The following GABBR2 variants were observed in gnomAD, a reference collection of about 807,000 sequenced individuals.
The protein encoded by GABBR2 is gamma-aminobutyric acid type B receptor subunit 2.
In GABBR2, 23 loss-of-function variants were observed where a neutral mutation model predicts 105.6. That is an observed-to-expected ratio of 0.22 (90% confidence interval 0.16 to 0.31). The LOEUF (loss-of-function observed/expected upper bound fraction) is 0.31. Among genes scored for constraint, GABBR2 ranks in the 10% least tolerant of loss-of-function variants. The probability of loss-of-function intolerance (pLI) is 1.00; values close to 1 mark genes in which losing one functional copy is unlikely to be tolerated. For synonymous variants in GABBR2, 478 were observed against 499.7 expected, an observed-to-expected ratio of 0.96 and a Z score of 0.58; for missense variants, 734 against 1,245.5, an observed-to-expected ratio of 0.59 and a Z score of 6.18.
chr9:98,340,639 C>T (rs753602312), intron 13 of GABBR2, among the ~76,000 whole-genome samples: 2 of 152,166 alleles, frequency 1.3e-5, no homozygotes, highest in Non-Finnish European at 2.9e-5. Context: ...TATGGACATA[C>T]CTAATCTTGC....
At chr9:98,641,458 G>T (rs1323179748) in intron 1 of GABBR2, among the ~76,000 whole-genome samples, 1 of 152,030 alleles carries the variant, frequency 6.6e-6, no homozygotes, top group African/African-American at 2.4e-5. Flanking sequence ...GTGTTTTAAA[G>T]TCCCCTCCTT....
intron 7 of GABBR2, among the ~76,000 whole-genome samples, chr9:98,436,573 G>A (rs1825931491): frequency 1.3e-5 from 2 of 149,978 alleles, no homozygotes; most frequent in South Asian, 4.2e-4. Flanking sequence ...ACTTGCGGAG[G>A]TCACCAGCTG....
intron 1 of GABBR2, among the ~76,000 whole-genome samples, chr9:98,684,133 A>G (rs1830588632): frequency 6.7e-6 from 1 of 148,908 alleles, no homozygotes; most frequent in African/African-American, 2.5e-5. Context: ...CAAGATATAC[A>G]GTAAAAGGAA....
At chr9:98,582,787 G>C (rs1829020049) in intron 1 of GABBR2, among the ~76,000 whole-genome samples, 1 of 152,094 alleles carries the variant, frequency 6.6e-6, no homozygotes, top group Non-Finnish European at 1.5e-5. Context: ...TGATAAAATA[G>C]AAAAAATTTT....
At chr9:98,665,574 A>G (rs1375075375) in intron 1 of GABBR2, among the ~76,000 whole-genome samples, 1 of 152,160 alleles carries the variant, frequency 6.6e-6, no homozygotes, top group Non-Finnish European at 1.5e-5. Context: ...ATCTGGTGGG[A>G]AAAAAACACC....
At chr9:98,499,979 G>A (rs192339824) in intron 3 of GABBR2, among the ~76,000 whole-genome samples, 14 of 152,320 alleles carry the variant, frequency 9.2e-5, no homozygotes, top group South Asian at 8.3e-4. Context: ...CTTGAACCCC[G>A]GAGGCAGAGG....
At chr9:98,528,882 C>A (rs960924010) in intron 3 of GABBR2, among the ~76,000 whole-genome samples, 3 of 152,194 alleles carry the variant, frequency 2.0e-5, no homozygotes, top group African/African-American at 7.2e-5. Flanking sequence ...ACAAAAGGTT[C>A]AAAAATGTGC....
At chr9:98,460,081 C>G (rs1456989438) in intron 6 of GABBR2, among the ~76,000 whole-genome samples, 2 of 152,132 alleles carry the variant, frequency 1.3e-5, no homozygotes, top group Admixed American at 1.3e-4. Context: ...ATAGGTGATC[C>G]AAATCTTGAC....
At chr9:98,448,916 G>GT (rs1194207664) in intron 7 of GABBR2, among the ~76,000 whole-genome samples, 23 of 114,686 alleles carry the variant, frequency 2.0e-4, no homozygotes, top group African/African-American at 7.1e-4. Flanking sequence ...ACTGGAAAGA[G>GT]TTTAAAAAAA....
At chr9:98,443,901 G>A (rs1266466922) in intron 7 of GABBR2, among the ~76,000 whole-genome samples, 1 of 152,220 alleles carries the variant, frequency 6.6e-6, no homozygotes, top group Non-Finnish European at 1.5e-5. Context: ...TGAGCCCCTT[G>A]GGGGCAAAAC....
intron 1 of GABBR2, among the ~76,000 whole-genome samples, chr9:98,609,543 A>G (rs1424386138): frequency 6.6e-6 from 1 of 152,162 alleles, no homozygotes; most frequent in Admixed American, 6.5e-5. Flanking sequence ...CCTCCCAGCT[A>G]TAACCCATCT....
At chr9:98,325,012 C>T (rs190717048) in intron 13 of GABBR2, among the ~76,000 whole-genome samples, 10 of 152,258 alleles carry the variant, frequency 6.6e-5, no homozygotes, top group Admixed American at 5.9e-4. Context: ...ACGCAACTTT[C>T]GGGCTTGAAG....
At chr9:98,380,981 G>A (rs1178064350) in intron 11 of GABBR2, among the ~76,000 whole-genome samples, 1 of 152,214 alleles carries the variant, frequency 6.6e-6, no homozygotes, top group Non-Finnish European at 1.5e-5. Flanking sequence ...CTGTGACTTC[G>A]GCTGCGCCAT....
chr9:98,440,145 C>T lies in GABBR2; in HGVS notation c.1236+13836G>A, dbSNP rs561332520. On this transcript the variant is annotated intron_variant, in intron 7 of 18. Coordinates refer to ENST00000259455, the MANE Select transcript of GABBR2 (RefSeq NM_005458.8). Reference sequence around the variant, plus strand: ...CCTGGGCCCAGCCTCTGCTCCATCACAGCTCCAGAGCTACCAGAATCAGCT... The same window carrying T: ...CCTGGGCCCAGCCTCTGCTCCATCATAGCTCCAGAGCTACCAGAATCAGCT... 1.6e-4 allele frequency among the ~76,000 whole-genome samples: 25 copies of T among 152,342 alleles called. 1 individual carries two copies. Among genetic ancestry groups the T allele is most frequent in the South Asian group, 6.2e-4 (3 of 4,824 alleles).
intron 8 of GABBR2, among the ~76,000 whole-genome samples, chr9:98,401,674 C>T (rs908021136): frequency 1.3e-5 from 2 of 152,120 alleles, no homozygotes; most frequent in African/African-American, 4.8e-5. Context: ...CTTGGTGAAG[C>T]GAGCTACAAT....
chr9:98,693,995 C>T (rs1365487737), intron 1 of GABBR2, among the ~76,000 whole-genome samples: 1 of 152,248 alleles, frequency 6.6e-6, no homozygotes, highest in Non-Finnish European at 1.5e-5. Context: ...CCCCCAAACT[C>T]TCAAGCCAGA....
intron 1 of GABBR2, among the ~76,000 whole-genome samples, chr9:98,674,624 A>G (rs1161669862): frequency 6.6e-6 from 1 of 152,122 alleles, no homozygotes; most frequent in Non-Finnish European, 1.5e-5. Flanking sequence ...GGTGTGATGG[A>G]TGAAAGAGGT....
chr9:98,451,700 T>G (rs1321541857), intron 7 of GABBR2, among the ~76,000 whole-genome samples: 2 of 152,148 alleles, frequency 1.3e-5, no homozygotes, highest in African/African-American at 4.8e-5. Flanking sequence ...GACCACACTT[T>G]GGGAATGGTT....
At chr9:98,413,246 G>A (rs1050572916) in intron 7 of GABBR2, among the ~76,000 whole-genome samples, 5 of 152,158 alleles carry the variant, frequency 3.3e-5, no homozygotes, top group Non-Finnish European at 5.9e-5. Flanking sequence ...GACAGCACTG[G>A]TCTCAAAGAA....
Sources: allele counts gnomAD v4.1 joint callset (sites outside exome capture counted in the v4.1 genomes callset), GRCh38; gene constraint gnomAD v4.1.1; transcripts MANE v1.5; gene names NCBI Gene and HGNC (gene_info 2026-07-23, HGNC 2026-07-21).